Variants in HS6ST3 observed in about 807,000 individuals in gnomAD.
The protein encoded by HS6ST3 is heparan-sulfate 6-O-sulfotransferase 3.
A neutral mutation model predicts 36.7 loss-of-function variants in HS6ST3; 12 were observed. That is an observed-to-expected ratio of 0.33 (90% CI 0.21 to 0.53). The LOEUF is 0.53. Among genes scored for constraint, HS6ST3 ranks in the 20% least tolerant of loss-of-function variants. The pLI, the probability that HS6ST3 is intolerant of heterozygous loss-of-function variation, is 0.95. For missense variants in HS6ST3, 584 were observed against 640.9 expected (o/e 0.91, Z 0.96); for synonymous variants, 240 against 257.5 (o/e 0.93, Z 0.65).
chr13:96,812,778 A>AACAC (rs57237051), intron 1 of HS6ST3, among the ~76,000 whole-genome samples: 198 of 150,876 alleles, frequency 1.3e-3, no homozygotes, highest in South Asian at 4.0e-3. Flanking sequence ...TTTAAAAATC[A>AACAC]ACACACACAC....
At chr13:96,467,486 C>G (rs1049576244) in intron 1 of HS6ST3, among the ~76,000 whole-genome samples, 21 of 152,142 alleles carry the variant, frequency 1.4e-4, no homozygotes, top group African/African-American at 4.3e-4. Flanking sequence ...AGTAGAGTTT[C>G]TAATGAAAAC....
At chr13:96,601,158 T>C (rs2056420306) in intron 1 of HS6ST3, among the ~76,000 whole-genome samples, 1 of 152,196 alleles carries the variant, frequency 6.6e-6, no homozygotes, top group African/African-American at 2.4e-5. Context: ...TGTCCTTTTT[T>C]GCAATGAATC....
intron 1 of HS6ST3, among the ~76,000 whole-genome samples, chr13:96,169,196 AT>A (rs1381661497): frequency 6.6e-6 from 1 of 152,054 alleles, no homozygotes; most frequent in Non-Finnish European, 1.5e-5. Flanking sequence ...CCTTTTACAG[AT>A]TAGGTGACTG....
At chr13:96,221,260 T>A (rs1382804375) in intron 1 of HS6ST3, among the ~76,000 whole-genome samples, 2 of 152,150 alleles carry the variant, frequency 1.3e-5, no homozygotes, top group Admixed American at 1.3e-4. Flanking sequence ...TTGTGTGGGG[T>A]ACATATGACT....
rs1385158440 is a variant in HS6ST3, at chr13:96,785,274, CCTATG to C, written c.708-47212_708-47208del. ...AGTCTGCTAGAGAGATGGATGCTAA[CCTATG>C]CTAGTGAGAAAGGGTGTGCCTTTGA... On this transcript the variant is annotated intron_variant, in intron 1 of 1. Transcript: ENST00000376705. 2.6e-5 allele frequency among the ~76,000 whole-genome samples: 4 copies of C among 152,128 alleles called. 1 individual carries two copies. The highest frequency in any genetic ancestry group is 3.2e-3 in the Middle Eastern group (1 of 316).
At chr13:96,176,308 A>G (rs1240558004) in intron 1 of HS6ST3, among the ~76,000 whole-genome samples, 1 of 152,196 alleles carries the variant, frequency 6.6e-6, no homozygotes, top group Non-Finnish European at 1.5e-5. Context: ...TGCGTTTCTT[A>G]TATAAACAGT....
intron 1 of HS6ST3, among the ~76,000 whole-genome samples, chr13:96,348,110 A>G (rs1018813947): frequency 2.6e-5 from 4 of 152,250 alleles, no homozygotes; most frequent in African/African-American, 4.8e-5. Flanking sequence ...CAGAAAAAAT[A>G]TGGGAAGAGG....
At chr13:96,179,469 T>C (rs934894423) in intron 1 of HS6ST3, among the ~76,000 whole-genome samples, 2 of 152,240 alleles carry the variant, frequency 1.3e-5, no homozygotes, top group Non-Finnish European at 2.9e-5. Context: ...ATTTATTTAC[T>C]CGTCCATTCA....
At chr13:96,440,873 A>T (rs2055667477) in intron 1 of HS6ST3, among the ~76,000 whole-genome samples, 1 of 152,292 alleles carries the variant, frequency 6.6e-6, no homozygotes, top group Admixed American at 6.5e-5. Context: ...TCCAGCATTT[A>T]TTGCTAAGTT....
chr13:96,508,012 G>A (rs1335543444), intron 1 of HS6ST3, among the ~76,000 whole-genome samples: 2 of 152,040 alleles, frequency 1.3e-5, no homozygotes, highest in African/African-American at 4.8e-5. Context: ...AAATTACAAT[G>A]CTTGTTATAC....
intron 1 of HS6ST3, among the ~76,000 whole-genome samples, chr13:96,484,930 C>A (rs553141151): frequency 6.6e-6 from 1 of 152,288 alleles, no homozygotes; most frequent in African/African-American, 2.4e-5. Context: ...TTCATAATGG[C>A]TGTACCAGTT....
At chr13:96,098,968 G>C (rs2053805010) in intron 1 of HS6ST3, among the ~76,000 whole-genome samples, 1 of 152,090 alleles carries the variant, frequency 6.6e-6, no homozygotes, top group Admixed American at 6.6e-5. Context: ...TTTTGAGATG[G>C]AGTCTCGCTC....
At chr13:96,543,545 G>T (rs984190940) in intron 1 of HS6ST3, among the ~76,000 whole-genome samples, 1 of 152,166 alleles carries the variant, frequency 6.6e-6, no homozygotes, top group African/African-American at 2.4e-5. Context: ...ACTATTTCAG[G>T]CCTGCCTTCT....
intron 1 of HS6ST3, among the ~76,000 whole-genome samples, chr13:96,587,810 G>A (rs569967539): frequency 6.6e-6 from 1 of 152,144 alleles, no homozygotes; most frequent in Non-Finnish European, 1.5e-5. Context: ...ATGTATTTTG[G>A]TGGGGACAAA....
chr13:96,662,186 G>A (rs111740356), intron 1 of HS6ST3, among the ~76,000 whole-genome samples: 2 of 152,208 alleles, frequency 1.3e-5, no homozygotes, highest in African/African-American at 4.8e-5. Flanking sequence ...CCTCAAATAG[G>A]CTTTCCAAAC....
At chr13:96,371,544 T>C (rs912973714) in intron 1 of HS6ST3, among the ~76,000 whole-genome samples, 2 of 152,194 alleles carry the variant, frequency 1.3e-5, no homozygotes, top group African/African-American at 4.8e-5. Flanking sequence ...ATAGTCACTA[T>C]GCTGTACATT....
At chr13:96,235,765 CAAAGT>C (rs1254601110) in intron 1 of HS6ST3, among the ~76,000 whole-genome samples, 1 of 152,098 alleles carries the variant, frequency 6.6e-6, no homozygotes, top group Non-Finnish European at 1.5e-5. Flanking sequence ...CTCCTGATGC[CAAAGT>C]CTTATTTCCT....
At chr13:96,429,677 G>C (rs1266177884) in intron 1 of HS6ST3, among the ~76,000 whole-genome samples, 1 of 152,200 alleles carries the variant, frequency 6.6e-6, no homozygotes, top group African/African-American at 2.4e-5. Context: ...CCCTTTAGCT[G>C]TAAGACTTTA....
chr13:96,707,876 A>C (rs1353899626), intron 1 of HS6ST3, among the ~76,000 whole-genome samples: 1 of 152,210 alleles, frequency 6.6e-6, no homozygotes, highest in Admixed American at 6.5e-5. Flanking sequence ...AAAGTATTCA[A>C]TACCAGTCCT....
Sources: allele counts gnomAD v4.1 joint callset (sites outside exome capture counted in the v4.1 genomes callset), GRCh38; gene constraint gnomAD v4.1.1; transcripts MANE v1.5; gene names NCBI Gene and HGNC (gene_info 2026-07-23, HGNC 2026-07-21).